NUDT19: variants seen among roughly 807,000 people sequenced by gnomAD.
The protein encoded by NUDT19 is nudix hydrolase 19.
In NUDT19, 31 loss-of-function variants were observed where a neutral mutation model predicts 22.2. The ratio of observed to expected loss-of-function variants is 1.40; its 90% CI spans 1.05 to 1.89. NUDT19 has a LOEUF of 1.89. Among genes scored for constraint, NUDT19 ranks in the 40% most tolerant of loss-of-function variants. The pLI, the probability that NUDT19 is intolerant of heterozygous loss-of-function variation, is 0.00. For missense variants in NUDT19, 752 were observed against 514.2 expected (o/e 1.46, Z -4.47); for synonymous variants, 325 against 230.8 (o/e 1.41, Z -3.70).
At chr19:32,692,966 A>G (rs1968218021) in intron 1 of NUDT19, among the ~76,000 whole-genome samples, 1 of 152,258 alleles carries the variant, frequency 6.6e-6, no homozygotes, top group South Asian at 2.1e-4. Flanking sequence ...TAGACATAGT[A>G]CATCTCCACA....
chr19:32,696,075 G>A (rs1207445611), intron 1 of NUDT19, among the ~76,000 whole-genome samples: 1 of 152,196 alleles, frequency 6.6e-6, no homozygotes, highest in East Asian at 1.9e-4. Flanking sequence ...GGCGGCATAA[G>A]TCTGGACTAC....
intron 2 of NUDT19, among the ~76,000 whole-genome samples, chr19:32,709,777 G>A (rs1429663870): frequency 6.6e-6 from 1 of 150,860 alleles, no homozygotes. Context: ...AGCCTCCCAA[G>A]AAGCTGGGAT....
chr19:32,692,745 G>A, intron 1 of NUDT19, 71 bp downstream of exon 1: 2 of 1,226,086 alleles, frequency 1.6e-6, no homozygotes, highest in Non-Finnish European at 2.2e-6. Flanking sequence ...AGCGGCCCAG[G>A]CCCCCAAGGG....
chr19:32,692,044 G>T lies in NUDT19; in HGVS notation c.84G>T (p.Glu28Asp). Residue 28 changes from glutamate to aspartate, a missense_variant, in exon 1 of 3, where the codon GAG becomes GAT. Glu to Asp is a conservative substitution (Grantham distance 45, BLOSUM62 2). Coordinates refer to ENST00000397061, the MANE Select transcript of NUDT19 (RefSeq NM_001105570.2). ...TGGCGGCTGGCTGGTCGCGCCCGGA[G>T]ACCGCCACCCCGCCGTCGCGCCCGC... is the stretch of plus-strand genomic sequence containing the variant. ...IVLAAGWSRP[E>D]TATPPSRPPP... is the part of the protein sequence containing the mutation. 3 of 1,276,998 alleles carry T rather than the reference G, an allele frequency of 2.3e-6. No homozygotes were observed. The South Asian group carries it at 8.4e-5, about 36-fold the overall frequency. 79.1% of individuals were successfully genotyped at this position (1,276,998 alleles called of 1,614,324 possible).
chr19:32,699,309 G>A (rs900163438), intron 1 of NUDT19, among the ~76,000 whole-genome samples: 1 of 152,226 alleles, frequency 6.6e-6, no homozygotes, highest in Non-Finnish European at 1.5e-5. Flanking sequence ...TAGGACCCAG[G>A]AGGCAAGGGT....
In NUDT19 at chr19:32,691,950, A is replaced by G. The variant is rs1968185623; in HGVS notation, c.-11A>G. On this transcript the variant is annotated 5_prime_UTR_variant, in exon 1 of 3. Transcript: ENST00000397061. ...GGCCGCGCCAGAATCGGATCCGGGAAGCTGCGCGCCATGAGCAGCTCCCTG... is the reference window on the plus strand; with the variant it reads ...GGCCGCGCCAGAATCGGATCCGGGAGGCTGCGCGCCATGAGCAGCTCCCTG... 6 of 1,217,262 alleles carry G rather than the reference A, an allele frequency of 4.9e-6. No homozygotes were observed. The highest frequency in any genetic ancestry group is 4.1e-6 in the Non-Finnish European group (4 of 978,530). The allele number at this position is 1,217,262 out of a possible 1,614,324, so 75.4% of individuals were successfully genotyped here.
chr19:32,692,257 C>G lies in NUDT19; in HGVS notation c.297C>G (p.Thr99=). The G allele has an allele frequency of 6.3e-7, 1 of 1,592,330 alleles. No homozygotes were observed. The highest frequency in any genetic ancestry group is 8.5e-7 in the Non-Finnish European group (1 of 1,177,550). Residue 99 remains threonine, a synonymous_variant, in exon 1 of 3, where the codon ACC becomes ACG. Transcript: ENST00000397061. ...FGLGPAPFSR[T]AFPSLPDTDD... Reference sequence around the variant, plus strand: ...TGGGCCCGGCGCCATTCAGCCGCACCGCTTTCCCGTCGCTGCCCGACACCG... The same window carrying G: ...TGGGCCCGGCGCCATTCAGCCGCACGGCTTTCCCGTCGCTGCCCGACACCG...
chr19:32,712,105 C>T lies in NUDT19; in HGVS notation c.*148C>T. On this transcript the variant is annotated 3_prime_UTR_variant, in exon 3 of 3. Coordinates refer to ENST00000397061, the MANE Select transcript of NUDT19 (RefSeq NM_001105570.2). ...CTTTATTTTTTTCGAGACAGAGTCT[C>T]AATCTGTCGCCCAGGCTGGAGTGCA... 1 of 630,240 alleles carries T rather than the reference C, an allele frequency of 1.6e-6. No individual in the cohort carries two copies. The highest frequency in any genetic ancestry group is 2.8e-6 in the Non-Finnish European group (1 of 358,086). 39.0% of individuals were successfully genotyped at this position (630,240 alleles called of 1,614,324 possible).
At position 32,712,589 on chromosome 19, in the gene NUDT19, C is replaced by T. The variant is rs566816107; in HGVS notation, c.*632C>T. ...TGTATTTTTAGTAGAAACAGAGTTTCACCATGTTGGCCAGGCTGGTCTCGA... is the reference window on the plus strand; with the variant it reads ...TGTATTTTTAGTAGAAACAGAGTTTTACCATGTTGGCCAGGCTGGTCTCGA... On this transcript the variant is annotated 3_prime_UTR_variant, in exon 3 of 3. Transcript: ENST00000397061. 4.0e-5 allele frequency: 6 copies of T among 151,896 alleles called. No homozygotes were observed. The highest frequency in any genetic ancestry group is 1.3e-4 in the Admixed American group (2 of 15,218). 9.4% of individuals were successfully genotyped at this position (151,896 alleles called of 1,614,324 possible).
In NUDT19 at chr19:32,691,915, G is replaced by A. The variant is rs1285787116; in HGVS notation, c.-46G>A. ...TCCCTGCAGGGCCGGGCCACCTGCC[G>A]TGGAGCTCAGGCCGCGCCAGAATCG... On this transcript the variant is annotated 5_prime_UTR_variant, in exon 1 of 3. In the 5' UTR this introduces an upstream ATG that the reference lacks. Coordinates refer to ENST00000397061, the MANE Select transcript of NUDT19 (RefSeq NM_001105570.2). 2 of 1,133,352 alleles carry A rather than the reference G, an allele frequency of 1.8e-6. No homozygotes were observed. Among genetic ancestry groups the A allele is most frequent in the Non-Finnish European group, 2.2e-6 (2 of 903,888 alleles). The allele number at this position is 1,133,352 out of a possible 1,614,324, so 70.2% of individuals were successfully genotyped here. A position where few individuals can be genotyped will look rare whatever the true frequency, so the allele number is the denominator to read the frequency against.
intron 1 of NUDT19, among the ~76,000 whole-genome samples, chr19:32,702,454 T>C (rs1968345727): frequency 6.6e-6 from 1 of 152,146 alleles, no homozygotes; most frequent in African/African-American, 2.4e-5. Flanking sequence ...AGAGGGTTTC[T>C]GGCTATTATA....
intron 1 of NUDT19, among the ~76,000 whole-genome samples, chr19:32,696,031 G>T (rs1389155021): frequency 6.6e-6 from 1 of 152,138 alleles, no homozygotes; most frequent in Non-Finnish European, 1.5e-5. Context: ...TTAAGGTCAG[G>T]ATTAGCTAAC....
chr19:32,692,901 T>C (rs1968216852), intron 1 of NUDT19, among the ~76,000 whole-genome samples: 1 of 152,258 alleles, frequency 6.6e-6, no homozygotes, highest in South Asian at 2.1e-4. Flanking sequence ...GCCTGGAGCC[T>C]GTCTCTCCAC....
chr19:32,705,106 CA>C (rs34871387), intron 1 of NUDT19, among the ~76,000 whole-genome samples: 4,722 of 54,106 alleles, frequency 0.087, 116 homozygotes, highest in African/African-American at 0.19. Flanking sequence ...GACTTCATCT[CA>C]AAAAAAAAAA....
chr19:32,712,004 A>G lies in NUDT19; in HGVS notation c.*47A>G, dbSNP rs1240019168. 2 of 1,177,410 alleles carry G rather than the reference A, an allele frequency of 1.7e-6. No homozygotes were observed. Among genetic ancestry groups the G allele is most frequent in the Admixed American group, 3.4e-5 (2 of 58,174 alleles). The allele number at this position is 1,177,410 out of a possible 1,614,324, so 72.9% of individuals were successfully genotyped here. On this transcript the variant is annotated 3_prime_UTR_variant, in exon 3 of 3. Coordinates refer to ENST00000397061, the MANE Select transcript of NUDT19 (RefSeq NM_001105570.2). ...AATGGCCTACTTGAAGTCCTCATGAATAATGAGGGTTGACTTTCATTTGCT... is the reference window on the plus strand; with the variant it reads ...AATGGCCTACTTGAAGTCCTCATGAGTAATGAGGGTTGACTTTCATTTGCT...
At chr19:32,699,651 G>T (rs1207283334) in intron 1 of NUDT19, among the ~76,000 whole-genome samples, 2 of 152,216 alleles carry the variant, frequency 1.3e-5, no homozygotes, top group Non-Finnish European at 2.9e-5. Context: ...AAATAGGACA[G>T]AATAGCAAGC....
chr19:32,692,600 A>G lies in NUDT19; in HGVS notation c.640A>G (p.Thr214Ala), dbSNP rs773034389. The G allele has an allele frequency of 1.0e-5, 16 of 1,576,804 alleles. No homozygotes were observed. The highest frequency in any genetic ancestry group is 7.0e-5 in the African/African-American group (5 of 71,726). Residue 214 changes from threonine (T) to alanine (A), a missense_variant, in exon 1 of 3, where the codon ACG becomes GCG. Coordinates refer to ENST00000397061, the MANE Select transcript of NUDT19 (RefSeq NM_001105570.2). The stretch of plus-strand genomic sequence containing the variant: ...GCGGGGCACCACTCGCCGCTTTGAC[A>G]CGGCCTTCTTCCTGTGCTGCCTGCG... ...FLRGTTRRFD[T>A]AFFLCCLREP...
chr19:32,709,305 T>C lies in NUDT19; in HGVS notation c.835T>C (p.Phe279Leu). 2 of 1,614,130 alleles carry C rather than the reference T, an allele frequency of 1.2e-6. No homozygotes were observed. Residue 279 changes from phenylalanine to leucine, a missense_variant, in exon 2 of 3, where the codon TTT becomes CTT. By Grantham distance (22) the Phe-to-Leu change is conservative. Transcript: ENST00000397061. ...NFASLSDLHK[F>L]CLGRALEGLE... The stretch of plus-strand genomic sequence containing the variant: ...TGCCTCTCTCTCTGACTTGCACAAA[T>C]TTTGTTTGGGTCGTGCATTAGAAGG...
In NUDT19 at chr19:32,691,877, G is replaced by C; in HGVS notation, c.-84G>C. The C allele has an allele frequency of 1.3e-6, 1 of 741,934 alleles. No individual in the cohort carries two copies. Among genetic ancestry groups the C allele is most frequent in the South Asian group, 6.9e-5 (1 of 14,398 alleles). 46.0% of individuals were successfully genotyped at this position (741,934 alleles called of 1,614,324 possible). On this transcript the variant is annotated 5_prime_UTR_variant, in exon 1 of 3. Coordinates refer to ENST00000397061, the MANE Select transcript of NUDT19 (RefSeq NM_001105570.2). Reference sequence around the variant, plus strand: ...CGTCCTCAATTCCCGCGAGGCCCCCGGAGGTGCTGGGGTCCCTGCAGGGCC... The same window carrying C: ...CGTCCTCAATTCCCGCGAGGCCCCCCGAGGTGCTGGGGTCCCTGCAGGGCC...
Sources: gnomAD v4.1 joint callset for allele counts (sites outside exome capture counted in the v4.1 genomes callset) on GRCh38, gnomAD v4.1.1 for gene constraint, MANE v1.5 for transcripts, NCBI Gene and HGNC (gene_info 2026-07-23, HGNC 2026-07-21) for gene names.